The following GLIS1 variants were observed in gnomAD, a reference collection of about 807,000 sequenced individuals.
The protein encoded by GLIS1 is GLIS family zinc finger 1.
A neutral mutation model predicts 63.8 loss-of-function variants in GLIS1; 24 were observed. That is an observed-to-expected ratio of 0.38 (90% confidence interval 0.27 to 0.53). The LOEUF (loss-of-function observed/expected upper bound fraction) is 0.53, where lower values mean the gene tolerates loss of function less well. Among genes scored for constraint, GLIS1 ranks in the 20% least tolerant of loss-of-function variants. GLIS1 has a pLI of 0.85. For synonymous variants in GLIS1, 450 were observed against 482.5 expected (o/e 0.93, Z 0.88); for missense variants, 1,036 against 1,074.1 (o/e 0.96, Z 0.50).
At chr1:53,692,342 A>G (rs1172000126) in intron 2 of GLIS1, among the ~76,000 whole-genome samples, 1 of 152,188 alleles carries the variant, frequency 6.6e-6, no homozygotes, top group Non-Finnish European at 1.5e-5. Flanking sequence ...GAGTAAAAGG[A>G]CTCAACACAA....
intron 2 of GLIS1, among the ~76,000 whole-genome samples, chr1:53,612,373 G>T (rs1645433527): frequency 6.6e-6 from 1 of 152,024 alleles, no homozygotes; most frequent in Non-Finnish European, 1.5e-5. Context: ...CTAAGTAGCT[G>T]GGACTACAGG....
intron 2 of GLIS1, among the ~76,000 whole-genome samples, chr1:53,671,170 T>C (rs1646146737): frequency 6.6e-6 from 1 of 152,200 alleles, no homozygotes; most frequent in African/African-American, 2.4e-5. Context: ...CAGTTACTGC[T>C]ATAATGCTGT....
intron 4 of GLIS1, among the ~76,000 whole-genome samples, chr1:53,591,927 A>G (rs1645196392): frequency 6.6e-6 from 1 of 152,200 alleles, no homozygotes; most frequent in Admixed American, 6.5e-5. Flanking sequence ...ACACAGCTTG[A>G]TATCACCTCC....
intron 2 of GLIS1, among the ~76,000 whole-genome samples, chr1:53,620,911 G>T (rs1345648952): frequency 6.6e-6 from 1 of 152,206 alleles, no homozygotes; most frequent in Non-Finnish European, 1.5e-5. Context: ...GGGCTCCACT[G>T]TCAGGCTACA....
chr1:53,589,907 C>T (rs1027171248), intron 4 of GLIS1, among the ~76,000 whole-genome samples: 2 of 152,200 alleles, frequency 1.3e-5, no homozygotes, highest in Non-Finnish European at 2.9e-5. Context: ...TGGTAGATAT[C>T]GAATGGCAAG....
Position 53,623,573 on chromosome 1 carries a change from G to A in GLIS1, c.260-23295C>T, listed in dbSNP as rs557396264. Among the ~76,000 whole-genome samples the A allele has an allele frequency of 2.0e-5, 3 of 152,188 alleles. No homozygotes were observed. The East Asian group carries it at 5.8e-4, about 29-fold the overall frequency. ...CAGTAAGAAAGGAAAAAAGCATGAA[G>A]ATGGAAAAAGAAGCATAACTCTTTA... On this transcript the variant is annotated intron_variant, in intron 2 of 10. Transcript: ENST00000628545.
At chr1:53,695,528 A>G (rs1646455897) in intron 2 of GLIS1, among the ~76,000 whole-genome samples, 2 of 152,210 alleles carry the variant, frequency 1.3e-5, no homozygotes, top group South Asian at 4.1e-4. Context: ...TGGTGCCATG[A>G]CTGCCACATA....
intron 5 of GLIS1, among the ~76,000 whole-genome samples, chr1:53,528,436 C>T (rs377412225): frequency 5.9e-4 from 90 of 152,282 alleles, no homozygotes; most frequent in African/African-American, 2.1e-3. Context: ...ATGACTCAGT[C>T]TCTTTGAGTC....
intron 2 of GLIS1, among the ~76,000 whole-genome samples, chr1:53,721,802 A>G (rs1646758582): frequency 6.6e-6 from 1 of 152,248 alleles, no homozygotes; most frequent in Non-Finnish European, 1.5e-5. Flanking sequence ...ATGAAAGAAA[A>G]GACAAAAGAA....
chr1:53,542,997 G>A (rs951008666), intron 4 of GLIS1, among the ~76,000 whole-genome samples: 3 of 152,212 alleles, frequency 2.0e-5, no homozygotes, highest in African/African-American at 4.8e-5. Context: ...ATGACTCTAC[G>A]GGCCCCTTGG....
chr1:53,541,617 G>C (rs1416620301), intron 4 of GLIS1, among the ~76,000 whole-genome samples: 2 of 152,226 alleles, frequency 1.3e-5, no homozygotes, highest in Middle Eastern at 6.3e-3. Context: ...AGTTAGGGAA[G>C]GGAGGTGAAT....
intron 2 of GLIS1, among the ~76,000 whole-genome samples, chr1:53,721,045 T>C (rs1405160766): frequency 3.3e-5 from 5 of 149,748 alleles, no homozygotes; most frequent in Admixed American, 1.3e-4. Flanking sequence ...TAAAAATATA[T>C]TAAATGACTA....
chr1:53,603,065 G>A (rs1645334551), intron 2 of GLIS1, among the ~76,000 whole-genome samples: 1 of 152,170 alleles, frequency 6.6e-6, no homozygotes, highest in Non-Finnish European at 1.5e-5. Context: ...CACTTCTACA[G>A]GAAGAAATAG....
Position 53,563,072 on chromosome 1 carries a change from C to T in GLIS1, c.1320+31036G>A, listed in dbSNP as rs116733657. Reference sequence around the variant, plus strand: ...AGGAGGTAAGGACAATCTCAGAGGACGGGAGAAACAGAAGTAGAAATCCCA... The same window carrying T: ...AGGAGGTAAGGACAATCTCAGAGGATGGGAGAAACAGAAGTAGAAATCCCA... On this transcript the variant is annotated intron_variant, in intron 4 of 10. Coordinates refer to ENST00000628545, the MANE Select transcript of GLIS1 (RefSeq NM_001367484.1). Among the ~76,000 whole-genome samples the T allele has an allele frequency of 3.9e-3, 594 of 152,276 alleles. 3 individuals carry two copies. The highest frequency in any genetic ancestry group is 0.013 in the African/African-American group (549 of 41,548).
chr1:53,617,608 C>T (rs1645496348), intron 2 of GLIS1, among the ~76,000 whole-genome samples: 1 of 152,284 alleles, frequency 6.6e-6, no homozygotes, highest in Non-Finnish European at 1.5e-5. Flanking sequence ...CCGATGACTT[C>T]ATCCCATCTT....
At chr1:53,718,758 C>G (rs2100544132) in intron 2 of GLIS1, among the ~76,000 whole-genome samples, 1 of 152,314 alleles carries the variant, frequency 6.6e-6, no homozygotes, top group Non-Finnish European at 1.5e-5. Context: ...GCGGATCATT[C>G]CTAGATCATA....
chr1:53,580,352 G>C (rs1236346372), intron 4 of GLIS1, among the ~76,000 whole-genome samples: 1 of 152,170 alleles, frequency 6.6e-6, no homozygotes, highest in Non-Finnish European at 1.5e-5. Flanking sequence ...TGTACACAAA[G>C]GTCAGGGAGT....
chr1:53,664,245 C>T lies in GLIS1; in HGVS notation c.260-63967G>A, dbSNP rs147170738. ...CATGGTGAGTATTAATCCCACACTGCACCTGCTGGCCCCTAGCCTAGAGCA... is the reference window on the plus strand; with the variant it reads ...CATGGTGAGTATTAATCCCACACTGTACCTGCTGGCCCCTAGCCTAGAGCA... On this transcript the variant is annotated intron_variant, in intron 2 of 10. Transcript: ENST00000628545. Among the ~76,000 whole-genome samples, 698 of 152,312 alleles carry T rather than the reference C, an allele frequency of 4.6e-3. 5 individuals carry two copies. The highest frequency in any genetic ancestry group is 0.014 in the African/African-American group (586 of 41,566).
chr1:53,531,950 G>A (rs938475588), intron 4 of GLIS1, among the ~76,000 whole-genome samples: 1 of 152,202 alleles, frequency 6.6e-6, no homozygotes, highest in Non-Finnish European at 1.5e-5. Context: ...GGCCAAGGAA[G>A]GGCAGGCACC....
Sources: gnomAD v4.1 joint callset for allele counts (sites outside exome capture counted in the v4.1 genomes callset) on GRCh38, gnomAD v4.1.1 for gene constraint, MANE v1.5 for transcripts, NCBI Gene and HGNC (gene_info 2026-07-23, HGNC 2026-07-21) for gene names.